The following HIBADH variants were observed in gnomAD, a reference collection of about 807,000 sequenced individuals.
HIBADH encodes 3-hydroxyisobutyrate dehydrogenase, mitochondrial.
In HIBADH, 25 loss-of-function variants were observed where a neutral mutation model predicts 36.1. The observed-to-expected ratio is 0.69, with a 90% CI of 0.50 to 0.97. HIBADH has a LOEUF of 0.97. Among genes scored for constraint, HIBADH ranks in the 50% least tolerant of loss-of-function variants. HIBADH has a pLI of 0.00. For missense variants in HIBADH, 421 were observed against 418.0 expected, an observed-to-expected ratio of 1.01 and a Z score of -0.06; for synonymous variants, 160 against 149.5, an observed-to-expected ratio of 1.07 and a Z score of -0.51.
intron 2 of HIBADH, among the ~76,000 whole-genome samples, chr7:27,636,454 G>A (rs1785842877): frequency 6.6e-6 from 1 of 152,180 alleles, no homozygotes; most frequent in Non-Finnish European, 1.5e-5. Context: ...CCTACATCTT[G>A]AAACATTTGG....
At position 27,583,624 on chromosome 7, in the gene HIBADH, C is replaced by T. The variant is rs73686446; in HGVS notation, c.485-40524G>A. On this transcript the variant is annotated intron_variant, in intron 4 of 7. Coordinates refer to ENST00000265395, the MANE Select transcript of HIBADH (RefSeq NM_152740.4). ...TATTTTCATGTCAGATATTTATCTA[C>T]ATCACTGATTCATAATATGTAATTT... is the stretch of plus-strand genomic sequence containing the variant. 2.0e-3 allele frequency among the ~76,000 whole-genome samples: 307 copies of T among 152,164 alleles called. 1 individual carries two copies. Among genetic ancestry groups the T allele is most frequent in the African/African-American group, 7.1e-3 (294 of 41,558 alleles).
At position 27,662,729 on chromosome 7, in the gene HIBADH, C is replaced by T; in HGVS notation, c.60G>A (p.Arg20=). 7.2e-7 allele frequency: 1 copy of T among 1,391,286 alleles called. No homozygotes were observed. The highest frequency in any genetic ancestry group is 9.4e-7 in the Non-Finnish European group (1 of 1,067,238). The allele number at this position is 1,391,286 out of a possible 1,614,324, so 86.2% of individuals were successfully genotyped here. A position where few individuals can be genotyped will look rare whatever the true frequency, so the allele number is the denominator to read the frequency against. ...CAAAGCTGCCGGCTGCCGGCCGCAG[C>T]CGCCGGCTCCAGTACCGGAGACCGG... ...AASGLRYWSR[R]LRPAAGSFAA... The change falls in exon 1 of 8, where the codon CGG becomes CGA. Residue 20 remains arginine, a synonymous_variant. Transcript: ENST00000265395.
chr7:27,574,201 T>C (rs71210558), intron 4 of HIBADH, among the ~76,000 whole-genome samples: 32,314 of 99,816 alleles, frequency 0.32, 4,342 homozygotes, highest in East Asian at 0.61. Context: ...AAAATCTCTT[T>C]AGAAATTAGA....
rs376741620 is a variant in HIBADH, at chr7:27,596,995, A to G, written c.484+32376T>C. ...AAAGTGTGTATATGCATATATATGC[A>G]ATAAAAACTTTTTTTAAATATTAAG... On this transcript the variant is annotated intron_variant, in intron 4 of 7. Coordinates refer to ENST00000265395, the MANE Select transcript of HIBADH (RefSeq NM_152740.4). Among the ~76,000 whole-genome samples, 55 of 152,302 alleles carry G rather than the reference A, an allele frequency of 3.6e-4. No individual in the cohort carries two copies. The East Asian group carries it at 9.6e-3, about 27-fold the overall frequency.
At chr7:27,581,121 G>A (rs1390460829) in intron 4 of HIBADH, among the ~76,000 whole-genome samples, 1 of 152,136 alleles carries the variant, frequency 6.6e-6, no homozygotes, top group Non-Finnish European at 1.5e-5. Flanking sequence ...AATGGACTAA[G>A]GAAATGAAGG....
intron 4 of HIBADH, among the ~76,000 whole-genome samples, chr7:27,556,626 CA>C (rs1263751751): frequency 2.6e-5 from 4 of 152,102 alleles, no homozygotes; most frequent in African/African-American, 9.7e-5. Context: ...ATCTGCTCCC[CA>C]CAATGAATTG....
intron 7 of HIBADH, among the ~76,000 whole-genome samples, chr7:27,529,911 C>G (rs2080245): frequency 0.76 from 115,904 of 152,156 alleles, 44,636 homozygotes; most frequent in East Asian, 0.94. Context: ...TGGTCAATCA[C>G]CATTCATCAA....
intron 1 of HIBADH, among the ~76,000 whole-genome samples, chr7:27,657,809 A>G (rs1786334170): frequency 1.3e-5 from 2 of 152,322 alleles, no homozygotes; most frequent in Non-Finnish European, 1.5e-5. Flanking sequence ...GATGTATACC[A>G]TTGAAGTTAC....
chr7:27,635,833 C>A (rs1785831815), intron 2 of HIBADH, among the ~76,000 whole-genome samples: 2 of 152,192 alleles, frequency 1.3e-5, no homozygotes, highest in African/African-American at 4.8e-5. Flanking sequence ...CATACTTATA[C>A]TATTATGAAT....
intron 4 of HIBADH, among the ~76,000 whole-genome samples, chr7:27,624,096 G>A (rs1025009612): frequency 6.6e-6 from 1 of 151,972 alleles, no homozygotes; most frequent in Non-Finnish European, 1.5e-5. Flanking sequence ...CCGCATGCCC[G>A]GCCAAATTAA....
rs748892207 is a variant in HIBADH, at chr7:27,531,345, T to TA, written c.698dup (p.Leu233PhefsTer4). On this transcript the variant is annotated frameshift_variant, in exon 7 of 8. Coordinates refer to ENST00000265395, the MANE Select transcript of HIBADH (RefSeq NM_152740.4). LOFTEE classifies it high-confidence loss of function. Reference sequence around the variant, plus strand: ...TAGCCAGTAGTTTTGGGTCAAGCCCTAACCTGTCAAAGGTCAAAGAAAAGA... The same window carrying TA: ...TAGCCAGTAGTTTTGGGTCAAGCCCTAAACCTGTCAAAGGTCAAAGAAAAGA... 2.5e-6 allele frequency: 4 copies of TA among 1,607,440 alleles called. No individual in the cohort carries two copies. In the African/African-American group the frequency reaches 5.3e-5, roughly 21 times the overall value.
intron 1 of HIBADH, among the ~76,000 whole-genome samples, chr7:27,654,242 G>C (rs1786252912): frequency 1.3e-5 from 2 of 152,158 alleles, no homozygotes; most frequent in Admixed American, 6.5e-5. Flanking sequence ...TAAGCTGTGA[G>C]ACAGCTTCAA....
At chr7:27,616,475 G>A (rs1040353693) in intron 4 of HIBADH, among the ~76,000 whole-genome samples, 1 of 152,012 alleles carries the variant, frequency 6.6e-6, no homozygotes, top group African/African-American at 2.4e-5. Flanking sequence ...TTGTTTGTTT[G>A]TTTTTTAATA....
intron 4 of HIBADH, among the ~76,000 whole-genome samples, chr7:27,588,436 C>T (rs968592538): frequency 6.6e-6 from 1 of 152,204 alleles, no homozygotes; most frequent in Admixed American, 6.5e-5. Context: ...TCAAGTGATC[C>T]TCCTGCCTCA....
intron 4 of HIBADH, among the ~76,000 whole-genome samples, chr7:27,559,598 G>C (rs895907095): frequency 6.6e-6 from 1 of 152,058 alleles, no homozygotes; most frequent in Non-Finnish European, 1.5e-5. Context: ...CTCCACTGCA[G>C]AGCAGCCCAG....
intron 5 of HIBADH, chr7:27,541,876 T>G (rs6462029): frequency 6.7e-6 from 2 of 296,760 alleles, no homozygotes; most frequent in Non-Finnish European, 1.3e-5. Flanking sequence ...CATTTTATGC[T>G]CAATACTTGT....
chr7:27,536,400 T>G (rs1042320490), intron 6 of HIBADH, among the ~76,000 whole-genome samples: 1 of 152,152 alleles, frequency 6.6e-6, no homozygotes, highest in African/African-American at 2.4e-5. Flanking sequence ...ATATTTTATG[T>G]TATATATATC....
intron 4 of HIBADH, among the ~76,000 whole-genome samples, chr7:27,564,435 C>T (rs1006227782): frequency 6.6e-6 from 1 of 152,080 alleles, no homozygotes; most frequent in African/African-American, 2.4e-5. Context: ...AAGACCATCC[C>T]TTCTCCCTGA....
chr7:27,621,927 G>T (rs565886089), intron 4 of HIBADH, among the ~76,000 whole-genome samples: 3 of 152,026 alleles, frequency 2.0e-5, no homozygotes, highest in Admixed American at 6.6e-5. Context: ...TGACCACTGT[G>T]GTTGACTAAG....
Sources: gnomAD v4.1 joint callset for allele counts (sites outside exome capture counted in the v4.1 genomes callset) on GRCh38, gnomAD v4.1.1 for gene constraint, MANE v1.5 for transcripts, NCBI Gene and HGNC (gene_info 2026-07-23, HGNC 2026-07-21) for gene names.